Variants in FOXP1 observed in about 807,000 individuals in gnomAD.
The protein encoded by FOXP1 is forkhead box protein P1.
In FOXP1, 15 loss-of-function variants were observed where a neutral mutation model predicts 98.2. The ratio of observed to expected loss-of-function variants is 0.15; its 90% CI spans 0.10 to 0.24. The LOEUF (loss-of-function observed/expected upper bound fraction) is 0.24, where lower values mean the gene tolerates loss of function less well. Ranked by LOEUF, FOXP1 falls within the 10% of genes least tolerant of loss-of-function variation. FOXP1 has a pLI of 1.00. For missense variants in FOXP1, 633 were observed against 848.5 expected, an observed-to-expected ratio of 0.75 and a Z score of 3.15; for synonymous variants, 371 against 314.5, an observed-to-expected ratio of 1.18 and a Z score of -1.90.
chr3:71,247,077 A>T (rs1225049568), intron 5 of FOXP1, among the ~76,000 whole-genome samples: 1 of 142,510 alleles, frequency 7.0e-6, no homozygotes, highest in Non-Finnish European at 1.5e-5. Flanking sequence ...GAAATGGGCC[A>T]GTGATCTCAG....
chr3:71,580,137 G>A (rs1320813020), intron 2 of FOXP1, among the ~76,000 whole-genome samples: 1 of 149,902 alleles, frequency 6.7e-6, no homozygotes, highest in Non-Finnish European at 1.5e-5. Context: ...GGGTTGTCAA[G>A]GTTCAGCAGT....
At chr3:71,496,123 C>A (rs750681374) in intron 2 of FOXP1, among the ~76,000 whole-genome samples, 1 of 152,190 alleles carries the variant, frequency 6.6e-6, no homozygotes, top group African/African-American at 2.4e-5. Flanking sequence ...TGGCAGCTAA[C>A]TTTTTAAATA....
rs869252301 is a variant in FOXP1 at position 71,328,974 on chromosome 3, T to TAAAAAAAAAAA, written c.-72-29105_-72-29095dup. 1.9e-3 allele frequency among the ~76,000 whole-genome samples: 60 copies of TAAAAAAAAAAA among 31,176 alleles called. 10 individuals are homozygous for TAAAAAAAAAAA. The highest frequency in any genetic ancestry group is 0.011 in the East Asian group (3 of 282). 20.5% of individuals were successfully genotyped at this position (31,176 alleles called of 152,430 possible). A position where few individuals can be genotyped will look rare whatever the true frequency, so the allele number is the denominator to read the frequency against. On this transcript the variant is annotated intron_variant, in intron 4 of 20. Transcript: ENST00000649528. ...CAACAAGAGCGAAACTCCATCTCGC[T>TAAAAAAAAAAA]AAAAAAAAAAAAAAACAAAAAAAAA...
At chr3:71,444,710 G>GATTTC (rs1202270923) in intron 3 of FOXP1, among the ~76,000 whole-genome samples, 3 of 152,126 alleles carry the variant, frequency 2.0e-5, no homozygotes, top group African/African-American at 7.2e-5. Flanking sequence ...TATTATTACG[G>GATTTC]GCCAGCCCAC....
At chr3:71,200,596 T>G (rs1245695024) in intron 5 of FOXP1, among the ~76,000 whole-genome samples, 1 of 152,158 alleles carries the variant, frequency 6.6e-6, no homozygotes, top group Non-Finnish European at 1.5e-5. Flanking sequence ...TTAAAGGAAG[T>G]GAAGAGTTCA....
chr3:71,060,282 T>C (rs1440544019), intron 7 of FOXP1, among the ~76,000 whole-genome samples: 2 of 152,258 alleles, frequency 1.3e-5, no homozygotes, highest in East Asian at 3.9e-4. Context: ...CAAATTGTAG[T>C]TTCTCATGCC....
At chr3:71,582,221 G>C in intron 1 of FOXP1, 1 of 985,300 alleles carries the variant, frequency 1.0e-6, no homozygotes, top group Middle Eastern at 5.2e-4. Context: ...AGGTGGGGAG[G>C]GGGGCTCGTC....
At chr3:71,158,512 C>T (rs753734263) in intron 6 of FOXP1, among the ~76,000 whole-genome samples, 1 of 152,038 alleles carries the variant, frequency 6.6e-6, no homozygotes, top group Non-Finnish European at 1.5e-5. Flanking sequence ...ATCATGAAAC[C>T]AATGAGAGCT....
At chr3:71,163,349 T>G (rs1283085098) in intron 6 of FOXP1, among the ~76,000 whole-genome samples, 1 of 152,166 alleles carries the variant, frequency 6.6e-6, no homozygotes, top group Non-Finnish European at 1.5e-5. Flanking sequence ...GAGAGCGGGA[T>G]TTTATTGCTG....
chr3:71,214,740 A>G (rs542094300), intron 5 of FOXP1, among the ~76,000 whole-genome samples: 2 of 152,238 alleles, frequency 1.3e-5, no homozygotes, highest in East Asian at 3.9e-4. Flanking sequence ...TTCTCCCCCA[A>G]AAGAGAGAGA....
chr3:71,186,729 CAAAT>C (rs919932671), intron 6 of FOXP1, among the ~76,000 whole-genome samples: 75 of 152,158 alleles, frequency 4.9e-4, no homozygotes, highest in African/African-American at 1.7e-3. Flanking sequence ...AACAAACAAA[CAAAT>C]ATATATAGTA....
intron 7 of FOXP1, among the ~76,000 whole-genome samples, chr3:71,108,503 T>C (rs2057631859): frequency 6.6e-6 from 1 of 152,210 alleles, no homozygotes; most frequent in African/African-American, 2.4e-5. Context: ...CAGTGGCTCA[T>C]GCCTGTAATC....
intron 3 of FOXP1, among the ~76,000 whole-genome samples, chr3:71,458,684 T>A (rs1187122366): frequency 6.6e-6 from 1 of 152,228 alleles, no homozygotes; most frequent in East Asian, 1.9e-4. Context: ...ATTTATTTCT[T>A]TAGCTGGTAG....
intron 2 of FOXP1, chr3:71,572,264 G>A (rs1236392036): frequency 6.6e-6 from 1 of 152,050 alleles, no homozygotes; most frequent in Non-Finnish European, 1.5e-5. Flanking sequence ...CAAATTCCCT[G>A]ATAAATGGTT....
chr3:71,130,829 A>C, intron 6 of FOXP1: 1 of 1,433,232 alleles, frequency 7.0e-7, no homozygotes, highest in South Asian at 1.5e-5. Flanking sequence ...GGTAATTTTC[A>C]AAGTTGCATT....
chr3:71,298,482 AAAAAAG>A (rs2073552918), intron 5 of FOXP1, among the ~76,000 whole-genome samples: 2 of 86,362 alleles, frequency 2.3e-5, no homozygotes, highest in Non-Finnish European at 5.5e-5. Context: ...AAAAAAAAGA[AAAAAAG>A]AAAAAGAAAA....
chr3:71,547,083 G>A (rs2045421860), intron 2 of FOXP1, among the ~76,000 whole-genome samples: 1 of 152,112 alleles, frequency 6.6e-6, no homozygotes, highest in Non-Finnish European at 1.5e-5. Flanking sequence ...GTCAGTTTTA[G>A]GAAATAAAAC....
chr3:71,553,831 T>C (rs192636573), intron 2 of FOXP1, among the ~76,000 whole-genome samples: 25 of 152,318 alleles, frequency 1.6e-4, no homozygotes, highest in Non-Finnish European at 2.6e-4. Context: ...TCAACATTAG[T>C]CTCAAAACAG....
At chr3:71,185,141 C>T (rs753993491) in intron 6 of FOXP1, among the ~76,000 whole-genome samples, 7 of 151,720 alleles carry the variant, frequency 4.6e-5, no homozygotes, top group African/African-American at 7.3e-5. Flanking sequence ...TGCAGTGAGC[C>T]GAGATCAAGC....
Sources: gnomAD v4.1 joint callset for allele counts (sites outside exome capture counted in the v4.1 genomes callset) on GRCh38, gnomAD v4.1.1 for gene constraint, MANE v1.5 for transcripts, NCBI Gene and HGNC (gene_info 2026-07-23, HGNC 2026-07-21) for gene names.